Variants in CIMAP2 observed in about 807,000 individuals in gnomAD.
CIMAP2 encodes the protein ciliary microtubule associated protein 2, also known as ciliary microtubule-associated protein 2.
chr1:54,813,326 G>T, the CIMAP2 span, among the ~76,000 whole-genome samples: 1 of 152,126 alleles, frequency 6.6e-6, no homozygotes, highest in South Asian at 2.1e-4. Context: ...CAAGTCTGTG[G>T]CGTACCTTAG....
the CIMAP2 span, among the ~76,000 whole-genome samples, chr1:54,811,141 C>G: frequency 6.6e-6 from 1 of 152,226 alleles, no homozygotes; most frequent in Non-Finnish European, 1.5e-5. Context: ...CCATGCGACA[C>G]AGAAGGCCTG....
the CIMAP2 span, among the ~76,000 whole-genome samples, chr1:54,819,353 C>A: frequency 8.7e-3 from 1,328 of 152,254 alleles, 14 homozygotes; most frequent in East Asian, 0.032. Flanking sequence ...CAGTCTACTG[C>A]TGGCTGGGTG....
At chr1:54,823,969 T>G in the CIMAP2 span, among the ~76,000 whole-genome samples, 1 of 152,184 alleles carries the variant, frequency 6.6e-6, no homozygotes, top group African/African-American at 2.4e-5. Flanking sequence ...TTTTTTCCTT[T>G]CAGCACTTTG....
At chr1:54,809,702 T>C in the CIMAP2 span, among the ~76,000 whole-genome samples, 1 of 152,052 alleles carries the variant, frequency 6.6e-6, no homozygotes. Flanking sequence ...CTTTGCTCCC[T>C]GAGTCTCTGT....
the CIMAP2 span, chr1:54,842,248 A>G: frequency 3.5e-6 from 1 of 285,318 alleles, no homozygotes. Flanking sequence ...AAGTTCAGAA[A>G]GTGGTGGGAG....
chr1:54,811,765 G>GCCGGGGGGGGGGGGGGGGGGCCCCCC, the CIMAP2 span: 3 of 1,301,332 alleles, frequency 2.3e-6, no homozygotes, highest in Non-Finnish European at 3.3e-6. Flanking sequence ...GGTTCTGACA[G>GCCGGGGGGGGGGGGGGGGGGCCCCCC]CCTCCATGCC....
At chr1:54,835,343 C>T in the CIMAP2 span, among the ~76,000 whole-genome samples, 154 of 151,542 alleles carry the variant, frequency 1.0e-3, no homozygotes, top group African/African-American at 3.5e-3. Context: ...AGGTGTGTGC[C>T]ACCACGCCTA....
At chr1:54,835,925 G>A in the CIMAP2 span, among the ~76,000 whole-genome samples, 2 of 152,068 alleles carry the variant, frequency 1.3e-5, no homozygotes, top group African/African-American at 4.8e-5. Flanking sequence ...GGAAGGCTGA[G>A]GCATAGTTGG....
At chr1:54,808,512 C>T in the CIMAP2 span, among the ~76,000 whole-genome samples, 4 of 149,612 alleles carry the variant, frequency 2.7e-5, no homozygotes, top group South Asian at 2.2e-4. Context: ...GGGCACTGGC[C>T]GAGGGTGAGA....
the CIMAP2 span, among the ~76,000 whole-genome samples, chr1:54,808,285 C>T: frequency 8.6e-4 from 131 of 152,264 alleles, no homozygotes; most frequent in Middle Eastern, 3.4e-3. Flanking sequence ...ACAAATTAGA[C>T]AGGCAAGGGA....
the CIMAP2 span, chr1:54,817,113 T>G: frequency 1.2e-6 from 2 of 1,613,868 alleles, no homozygotes; most frequent in Non-Finnish European, 1.7e-6. Context: ...GCCCGGGACA[T>G]GCTCATGCAG....
the CIMAP2 span, among the ~76,000 whole-genome samples, chr1:54,825,554 C>G: frequency 1.1e-4 from 16 of 152,010 alleles, no homozygotes; most frequent in African/African-American, 3.6e-4. Context: ...GTGGGGGTGC[C>G]AGGTGGGCTA....
chr1:54,828,375 A>G, the CIMAP2 span, among the ~76,000 whole-genome samples: 1 of 152,050 alleles, frequency 6.6e-6, no homozygotes, highest in African/African-American at 2.4e-5. Context: ...CGGGGGTGCC[A>G]CCCAGGGCTG....
chr1:54,813,627 ACTGT>A, the CIMAP2 span, among the ~76,000 whole-genome samples: 2 of 151,792 alleles, frequency 1.3e-5, no homozygotes, highest in Non-Finnish European at 1.5e-5. Context: ...TTGGGGAAAG[ACTGT>A]CTGTTTCCAC....
At chr1:54,827,819 G>A in the CIMAP2 span, among the ~76,000 whole-genome samples, 2 of 152,136 alleles carry the variant, frequency 1.3e-5, no homozygotes, top group Non-Finnish European at 2.9e-5. Context: ...TCTTTACAGA[G>A]GCTTAAAATG....
chr1:54,811,765 G>GCCGGCGGGGGGGCCCCCCCCC, the CIMAP2 span: 1 of 1,301,332 alleles, frequency 7.7e-7, no homozygotes, highest in Non-Finnish European at 1.1e-6. Flanking sequence ...GGTTCTGACA[G>GCCGGCGGGGGGGCCCCCCCCC]CCTCCATGCC....
the CIMAP2 span, chr1:54,842,116 A>C: frequency 5.3e-6 from 3 of 563,648 alleles, no homozygotes; most frequent in Non-Finnish European, 9.5e-6. Flanking sequence ...CTGAGAACTC[A>C]ACTCAGCCAG....
the CIMAP2 span, among the ~76,000 whole-genome samples, chr1:54,820,120 T>TTCTTTCTCTCTCTC: frequency 3.6e-5 from 1 of 27,642 alleles, no homozygotes; most frequent in Admixed American, 4.1e-4. Flanking sequence ...CTCTCTTTCT[T>TTCTTTCTCTCTCTC]TCTTTCTTTC....
chr1:54,811,765 G>GCCGGGGGGGGGGGCGCCC, the CIMAP2 span: 1 of 1,301,332 alleles, frequency 7.7e-7, no homozygotes, highest in Non-Finnish European at 1.1e-6. Flanking sequence ...GGTTCTGACA[G>GCCGGGGGGGGGGGCGCCC]CCTCCATGCC....
Sources: allele counts gnomAD v4.1 joint callset (sites outside exome capture counted in the v4.1 genomes callset), GRCh38; gene constraint gnomAD v4.1.1; transcripts MANE v1.5; gene names NCBI Gene and HGNC (gene_info 2026-07-23, HGNC 2026-07-21).